Variants in SLC17A1 observed in about 807,000 individuals in gnomAD.
SLC17A1 encodes the protein sodium-dependent phosphate transport protein 1.
In SLC17A1, 51 loss-of-function variants were observed where a neutral mutation model predicts 53.5. That is an observed-to-expected ratio of 0.95 (90% CI 0.76 to 1.20). SLC17A1 has a LOEUF of 1.20. SLC17A1 is among the 50% of genes most tolerant of loss of function. The pLI is 0.00. For synonymous variants in SLC17A1, 179 were observed against 198.8 expected (o/e 0.90, Z 0.84); for missense variants, 538 against 568.2 (o/e 0.95, Z 0.54).
At chr6:25,743,228 A>G in the SLC17A1 span, among the ~76,000 whole-genome samples, 1 of 152,240 alleles carries the variant, frequency 6.6e-6, no homozygotes, top group Non-Finnish European at 1.5e-5. Flanking sequence ...AATGATTTAC[A>G]AGCTCAAGAA....
intron 12 of SLC17A1, among the ~76,000 whole-genome samples, chr6:25,798,203 GTA>G (rs1763644448): frequency 6.6e-6 from 1 of 152,078 alleles, no homozygotes; most frequent in South Asian, 2.1e-4. Flanking sequence ...TCTTATTTAT[GTA>G]TTAGCCAAAA....
At chr6:25,751,044 T>C in the SLC17A1 span, among the ~76,000 whole-genome samples, 4 of 152,168 alleles carry the variant, frequency 2.6e-5, no homozygotes, top group African/African-American at 9.7e-5. Context: ...CCACATGATC[T>C]CAGATTTCTT....
At chr6:25,803,179 C>T (rs541667005) in intron 10 of SLC17A1, among the ~76,000 whole-genome samples, 4 of 151,988 alleles carry the variant, frequency 2.6e-5, no homozygotes, top group East Asian at 1.9e-4. Context: ...CCTCATGATC[C>T]GCCTGCCTCA....
chr6:25,788,357 G>C (rs1043587526), intron 12 of SLC17A1, among the ~76,000 whole-genome samples: 4 of 152,172 alleles, frequency 2.6e-5, no homozygotes, highest in Non-Finnish European at 4.4e-5. Flanking sequence ...ATGACAGCTG[G>C]GGGAAAGCTC....
At chr6:25,802,372 G>A (rs527241659) in intron 10 of SLC17A1, among the ~76,000 whole-genome samples, 16 of 151,978 alleles carry the variant, frequency 1.1e-4, no homozygotes, top group African/African-American at 3.9e-4. Flanking sequence ...GGGTATTATT[G>A]TTTTCATTTT....
intron 12 of SLC17A1, among the ~76,000 whole-genome samples, chr6:25,786,700 A>C (rs1273757693): frequency 2.6e-5 from 4 of 152,278 alleles, no homozygotes; most frequent in Admixed American, 2.6e-4. Flanking sequence ...GCATGTGGGC[A>C]ACTGACAATG....
At chr6:25,755,776 A>G in the SLC17A1 span, among the ~76,000 whole-genome samples, 1 of 152,194 alleles carries the variant, frequency 6.6e-6, no homozygotes. Flanking sequence ...CAGGAGTCTC[A>G]ACCCCAAGTG....
chr6:25,733,585 C>T, the SLC17A1 span, among the ~76,000 whole-genome samples: 2 of 152,024 alleles, frequency 1.3e-5, no homozygotes, highest in African/African-American at 2.4e-5. Context: ...GTGCTTAATA[C>T]ACTATAATAA....
intron 10 of SLC17A1, among the ~76,000 whole-genome samples, chr6:25,801,663 C>G (rs1763765827): frequency 6.6e-6 from 1 of 152,194 alleles, no homozygotes; most frequent in African/African-American, 2.4e-5. Flanking sequence ...TCAGTGTGTT[C>G]AAGTCCTCCC....
At chr6:25,825,726 GA>G (rs1025475863) in intron 3 of SLC17A1, among the ~76,000 whole-genome samples, 5 of 151,614 alleles carry the variant, frequency 3.3e-5, no homozygotes, top group Admixed American at 2.0e-4. Flanking sequence ...GCCAATTTTT[GA>G]AAAAAATATT....
chr6:25,808,606 C>T (rs374701398), intron 10 of SLC17A1, among the ~76,000 whole-genome samples: 1 of 151,866 alleles, frequency 6.6e-6, no homozygotes, highest in Non-Finnish European at 1.5e-5. Flanking sequence ...CATAAATAGA[C>T]ATTTTCAAAA....
chr6:25,772,758 A>AT, the SLC17A1 span, among the ~76,000 whole-genome samples: 1 of 152,208 alleles, frequency 6.6e-6, no homozygotes, highest in Middle Eastern at 3.2e-3. Context: ...AGCAGGAGGG[A>AT]TGCTGACTGG....
intron 10 of SLC17A1, among the ~76,000 whole-genome samples, 161 bp from the exon 11 acceptor site, chr6:25,801,141 C>T (rs1380553212): frequency 4.6e-5 from 7 of 152,300 alleles, no homozygotes; most frequent in African/African-American, 1.7e-4. Flanking sequence ...ATATAGGCAA[C>T]TTTCTAGTGT....
the SLC17A1 span, among the ~76,000 whole-genome samples, chr6:25,753,992 G>C: frequency 1.3e-5 from 2 of 152,112 alleles, no homozygotes; most frequent in Admixed American, 1.3e-4. Flanking sequence ...AATGAGACAC[G>C]AGGAAAATCA....
intron 12 of SLC17A1, among the ~76,000 whole-genome samples, chr6:25,787,392 G>A (rs927785234): frequency 6.6e-6 from 1 of 151,758 alleles, no homozygotes. Context: ...CCTCACTGCA[G>A]GGCCAGATTA....
chr6:25,733,253 A>C, the SLC17A1 span, among the ~76,000 whole-genome samples: 10 of 152,322 alleles, frequency 6.6e-5, no homozygotes, highest in South Asian at 1.2e-3. Context: ...CCTGAGAAAA[A>C]TAATGTGAAG....
intron 12 of SLC17A1, among the ~76,000 whole-genome samples, chr6:25,784,789 G>C (rs1044505999): frequency 1.3e-5 from 2 of 152,118 alleles, no homozygotes; most frequent in African/African-American, 4.8e-5. Flanking sequence ...CCTCAAGAGA[G>C]TGTAGATGAA....
chr6:25,724,205 C>G, the SLC17A1 span, among the ~76,000 whole-genome samples: 2 of 152,146 alleles, frequency 1.3e-5, no homozygotes, highest in Non-Finnish European at 2.9e-5. Context: ...TGGCGGATCA[C>G]CTGAGGTCAG....
intron 12 of SLC17A1, among the ~76,000 whole-genome samples, chr6:25,795,513 G>A (rs1763585249): frequency 6.6e-6 from 1 of 151,950 alleles, no homozygotes; most frequent in South Asian, 2.1e-4. Context: ...AAGATAAGGA[G>A]GATTTTTTTT....
Sources: allele counts gnomAD v4.1 joint callset (sites outside exome capture counted in the v4.1 genomes callset), GRCh38; gene constraint gnomAD v4.1.1; transcripts MANE v1.5; gene names NCBI Gene and HGNC (gene_info 2026-07-23, HGNC 2026-07-21).